CA10: variants seen among roughly 807,000 people sequenced by gnomAD.
CA10 encodes the protein carbonic anhydrase-related protein 10.
In CA10, 14 loss-of-function variants were observed where a neutral mutation model predicts 44.2. That is an observed-to-expected ratio of 0.32 (90% confidence interval 0.21 to 0.50). The LOEUF (loss-of-function observed/expected upper bound fraction) is 0.50. CA10 is among the 20% of genes least tolerant of loss of function. The pLI, the probability that CA10 is intolerant of heterozygous loss-of-function variation, is 0.99. For synonymous variants in CA10, 159 were observed against 141.6 expected, an observed-to-expected ratio of 1.12 and a Z score of -0.87; for missense variants, 350 against 409.7, an observed-to-expected ratio of 0.85 and a Z score of 1.26.
At chr17:51,902,474 C>T (rs180813841) in intron 3 of CA10, among the ~76,000 whole-genome samples, 16 of 152,262 alleles carry the variant, frequency 1.1e-4, no homozygotes, top group African/African-American at 3.8e-4. Context: ...CAGGCATTAT[C>T]AATGCCCATG....
chr17:51,885,071 G>A (rs1433501661), intron 3 of CA10, among the ~76,000 whole-genome samples: 1 of 152,120 alleles, frequency 6.6e-6, no homozygotes, highest in Non-Finnish European at 1.5e-5. Flanking sequence ...CAGGGATTAG[G>A]GGTTCAACAT....
intron 8 of CA10, 61 bp from the exon 9 acceptor site, chr17:51,631,667 A>G: frequency 1.4e-6 from 2 of 1,393,106 alleles, no homozygotes; most frequent in Non-Finnish European, 2.0e-6. Flanking sequence ...GGCATACTCA[A>G]TTAATTTGCA....
At chr17:51,675,770 T>C (rs1237972639) in intron 4 of CA10, among the ~76,000 whole-genome samples, 1 of 152,070 alleles carries the variant, frequency 6.6e-6, no homozygotes, top group African/African-American at 2.4e-5. Flanking sequence ...TCTCAATCAG[T>C]AGTTCTCTTA....
At chr17:51,964,878 G>T (rs1385247839) in intron 2 of CA10, among the ~76,000 whole-genome samples, 7 of 151,626 alleles carry the variant, frequency 4.6e-5, no homozygotes, top group African/African-American at 2.4e-5. Context: ...CCCAAAGCTA[G>T]CAATAGAAGA....
At chr17:51,720,118 T>C (rs1159881634) in intron 4 of CA10, among the ~76,000 whole-genome samples, 2 of 152,210 alleles carry the variant, frequency 1.3e-5, no homozygotes, top group Non-Finnish European at 2.9e-5. Flanking sequence ...CCACAGAATT[T>C]CTAAAACTCT....
chr17:51,931,711 C>A (rs1156794539), intron 2 of CA10, among the ~76,000 whole-genome samples: 1 of 152,020 alleles, frequency 6.6e-6, no homozygotes, highest in East Asian at 1.9e-4. Context: ...GTGTCATTAA[C>A]CTAATGTACT....
chr17:52,036,245 C>T (rs545135369), intron 2 of CA10, among the ~76,000 whole-genome samples: 1 of 151,836 alleles, frequency 6.6e-6, no homozygotes, highest in South Asian at 2.1e-4. Flanking sequence ...TAAGTGAGAT[C>T]AGACAGCAAG....
intron 4 of CA10, among the ~76,000 whole-genome samples, chr17:51,732,989 C>T (rs1287920665): frequency 2.0e-5 from 3 of 152,184 alleles, no homozygotes; most frequent in Middle Eastern, 3.4e-3. Context: ...GTCCAGTTAC[C>T]CTTGAGTTCT....
chr17:51,743,164 C>G (rs1044913889), intron 4 of CA10, among the ~76,000 whole-genome samples: 4 of 152,234 alleles, frequency 2.6e-5, no homozygotes, highest in Admixed American at 2.6e-4. Flanking sequence ...CCTTCTGCCC[C>G]CTTGAAAAGA....
At chr17:51,736,739 A>T (rs933361423) in intron 4 of CA10, among the ~76,000 whole-genome samples, 1 of 152,208 alleles carries the variant, frequency 6.6e-6, no homozygotes, top group Non-Finnish European at 1.5e-5. Context: ...TACACACATA[A>T]AATGCCTTGC....
At chr17:51,761,779 G>A (rs897600401) in intron 3 of CA10, 3 of 152,194 alleles carry the variant, frequency 2.0e-5, no homozygotes, top group Non-Finnish European at 2.9e-5. Flanking sequence ...GAAGCAAGGC[G>A]TAGGGTCCTA....
chr17:52,062,866 G>A (rs1987427942), intron 2 of CA10, among the ~76,000 whole-genome samples: 1 of 152,246 alleles, frequency 6.6e-6, no homozygotes, highest in Non-Finnish European at 1.5e-5. Flanking sequence ...GGGAGCTGTG[G>A]GAACAGGAGC....
intron 3 of CA10, among the ~76,000 whole-genome samples, chr17:51,926,633 C>T (rs780866565): frequency 2.6e-5 from 4 of 152,192 alleles, no homozygotes; most frequent in Non-Finnish European, 5.9e-5. Flanking sequence ...CCAGAGGCCT[C>T]CTTGGCTCAT....
chr17:51,660,641 A>C (rs1306828545), intron 4 of CA10, among the ~76,000 whole-genome samples: 2 of 152,198 alleles, frequency 1.3e-5, no homozygotes, highest in Non-Finnish European at 2.9e-5. Context: ...TCTCAGCGTG[A>C]TGCTCCATTA....
chr17:52,158,658 A>C lies in CA10; in HGVS notation c.-872T>G, dbSNP rs971328134. On this transcript the variant is annotated 5_prime_UTR_variant, in exon 1 of 9. Coordinates refer to ENST00000451037, the MANE Select transcript of CA10 (RefSeq NM_020178.5). ...TTTTCCTGAACTCCCCAGAACCCCC[A>C]GTTGCCTGGCTTCCATCGCCCGCAA... 1 of 152,478 alleles carries C rather than the reference A, an allele frequency of 6.6e-6. No homozygotes were observed. Among genetic ancestry groups the C allele is most frequent in the African/African-American group, 2.4e-5 (1 of 41,416 alleles). 9.4% of individuals were successfully genotyped at this position (152,478 alleles called of 1,614,324 possible). A position where few individuals can be genotyped will look rare whatever the true frequency, so the allele number is the denominator to read the frequency against.
At chr17:51,712,607 T>C (rs963551272) in intron 4 of CA10, among the ~76,000 whole-genome samples, 18 of 152,228 alleles carry the variant, frequency 1.2e-4, no homozygotes, top group African/African-American at 4.3e-4. Flanking sequence ...GGGATTGATA[T>C]TGATCTACAG....
chr17:51,743,227 G>T (rs949827868), intron 4 of CA10, among the ~76,000 whole-genome samples: 14 of 152,162 alleles, frequency 9.2e-5, no homozygotes, highest in African/African-American at 3.1e-4. Flanking sequence ...CCCAAATCAG[G>T]AAGATTCTTC....
At chr17:51,816,401 T>TACTG (rs1567848973) in intron 3 of CA10, among the ~76,000 whole-genome samples, 1 of 152,228 alleles carries the variant, frequency 6.6e-6, no homozygotes, top group East Asian at 1.9e-4. Context: ...TTCTTCAATA[T>TACTG]ACTGACTTCC....
At chr17:52,156,372 G>A (rs1989804005) in intron 1 of CA10, among the ~76,000 whole-genome samples, 1 of 152,152 alleles carries the variant, frequency 6.6e-6, no homozygotes, top group Non-Finnish European at 1.5e-5. Flanking sequence ...GTGACCCCAG[G>A]GCACATTTTC....
Sources: allele counts gnomAD v4.1 joint callset (sites outside exome capture counted in the v4.1 genomes callset), GRCh38; gene constraint gnomAD v4.1.1; transcripts MANE v1.5; gene names NCBI Gene and HGNC (gene_info 2026-07-23, HGNC 2026-07-21).